The following PTPRF variants were observed in gnomAD, a reference collection of about 807,000 sequenced individuals.
PTPRF encodes protein tyrosine phosphatase receptor type F.
In PTPRF, 59 loss-of-function variants were observed where a neutral mutation model predicts 201.8. The observed-to-expected ratio is 0.29, with a 90% CI of 0.24 to 0.36. The LOEUF (loss-of-function observed/expected upper bound fraction) is 0.36, where lower values mean the gene tolerates loss of function less well. Among genes scored for constraint, PTPRF ranks in the 10% least tolerant of loss-of-function variants. The probability of loss-of-function intolerance (pLI) is 1.00; values close to 1 mark genes in which losing one functional copy is unlikely to be tolerated. For synonymous variants in PTPRF, 1,088 were observed against 1,089.7 expected, an observed-to-expected ratio of 1.00 and a Z score of 0.03; for missense variants, 2,132 against 2,690.5, an observed-to-expected ratio of 0.79 and a Z score of 4.59.
intron 1 of PTPRF, among the ~76,000 whole-genome samples, chr1:43,534,501 TGAAGGAGAGGAAGAG>T (rs1427533697): frequency 6.6e-6 from 1 of 151,394 alleles, no homozygotes; most frequent in Non-Finnish European, 1.5e-5. Context: ...GATGTGGGAG[TGAAGGAGAGGAAGAG>T]GAAGGAGTCC....
chr1:43,598,249 A>G lies in PTPRF; in HGVS notation c.2119+196A>G. 4 of 550,410 alleles carry G rather than the reference A, an allele frequency of 7.3e-6. No homozygotes were observed. The South Asian group carries it at 1.5e-4, about 20-fold the overall frequency. 34.1% of individuals were successfully genotyped at this position (550,410 alleles called of 1,614,324 possible). ...ATCCCAGCCTTTGGGGCTGTCTCCA[A>G]AGCAGCTGAAACCTTCACAGGCTAA... On this transcript the variant is annotated intron_variant, in intron 12 of 33. Transcript: ENST00000359947.
chr1:43,604,699 G>T (rs1260512053), intron 16 of PTPRF, among the ~76,000 whole-genome samples: 1 of 152,198 alleles, frequency 6.6e-6, no homozygotes, highest in East Asian at 1.9e-4. Context: ...CCTGTTTGGT[G>T]CTCACTGTGG....
At chr1:43,604,369 C>T (rs1451851521) in intron 16 of PTPRF, among the ~76,000 whole-genome samples, 180 bp downstream of exon 16, 2 of 152,190 alleles carry the variant, frequency 1.3e-5, no homozygotes, top group Non-Finnish European at 2.9e-5. Context: ...TGATGCCTGA[C>T]CTCTGCTGTC....
chr1:43,572,123 C>T (rs1215465737), intron 6 of PTPRF, among the ~76,000 whole-genome samples: 1 of 152,248 alleles, frequency 6.6e-6, no homozygotes, highest in Admixed American at 6.5e-5. Context: ...CCACCCTGCT[C>T]AGCCTCTGGC....
chr1:43,598,904 C>T lies in PTPRF; in HGVS notation c.2304C>T (p.Ala768=), dbSNP rs533116755. 1.2e-5 allele frequency: 20 copies of T among 1,613,272 alleles called. No homozygotes were observed. The highest frequency in any genetic ancestry group is 1.5e-5 in the Non-Finnish European group (18 of 1,179,688). ...CCATCATCCAAGACGTCATGCTAGCCGAGGCCCAGGTGCAGCATTGGGTGG... is the reference window on the plus strand; with the variant it reads ...CCATCATCCAAGACGTCATGCTAGCTGAGGCCCAGGTGCAGCATTGGGTGG... ...GLPIIQDVML[A]EAQWRPEESE... The change falls in exon 13 of 34, where the codon GCC becomes GCT. Residue 768 remains alanine (A), a synonymous_variant. Transcript: ENST00000359947.
chr1:43,559,893 C>CTG (rs61725582), intron 5 of PTPRF, among the ~76,000 whole-genome samples: 5,023 of 144,060 alleles, frequency 0.035, 291 homozygotes, highest in African/African-American at 0.12. Context: ...ATGTATCAGG[C>CTG]TGTGTGTGTG....
intron 5 of PTPRF, among the ~76,000 whole-genome samples, chr1:43,565,154 C>T (rs1319204661): frequency 1.3e-5 from 2 of 152,186 alleles, no homozygotes; most frequent in Non-Finnish European, 2.9e-5. Flanking sequence ...GAATCTCCCT[C>T]CTCCAGGAAG....
chr1:43,585,712 T>A (rs1419308563), intron 7 of PTPRF, among the ~76,000 whole-genome samples: 1 of 152,182 alleles, frequency 6.6e-6, no homozygotes. Flanking sequence ...ATCCATGAAG[T>A]CCGCCTTTTG....
In PTPRF at chr1:43,588,608, C is replaced by T. The variant is rs1649790788; in HGVS notation, c.680-123C>T. The T allele has an allele frequency of 1.2e-5, 16 of 1,322,526 alleles. No homozygotes were observed. In the South Asian group the frequency reaches 1.9e-4, roughly 16 times the overall value. The allele number at this position is 1,322,526 out of a possible 1,614,324, so 81.9% of individuals were successfully genotyped here. On this transcript the variant is annotated intron_variant, in intron 7 of 33. Coordinates refer to ENST00000359947, the MANE Select transcript of PTPRF (RefSeq NM_002840.5). This position sits in a 1 kb window ranked among gnomAD's most constrained non-coding sequence, Gnocchi z 5.3. The stretch of plus-strand genomic sequence containing the variant: ...GAGCTGGGGTCTGGCGGTGCCACCC[C>T]TCCTGTCTCTGAGCATGGGTTTGGC...
At chr1:43,582,077 G>C (rs138508641) in intron 7 of PTPRF, among the ~76,000 whole-genome samples, 7 of 152,300 alleles carry the variant, frequency 4.6e-5, no homozygotes, top group Admixed American at 2.0e-4. Context: ...TGGCCGCAAG[G>C]CTTCGTCTCC....
chr1:43,606,887 C>G lies in PTPRF; in HGVS notation c.3776C>G (p.Pro1259Arg). Residue 1259 changes from proline (P) to arginine (R), a missense_variant, in exon 21 of 34, where the codon CCG (proline) becomes CGG (arginine). This residue lies in a region of PTPRF where 818 missense variants were observed against 915.3 expected (regional missense o/e 0.89). Transcript: ENST00000359947. ...ACACCAGCCCAGCAGCAGGAGGAGC[C>G]GGAGATGCTGTGGGTGACGGGTCCC... ...QVTPAQQQEE[P>R]EMLWVTGPVL... 2 of 1,614,164 alleles carry G rather than the reference C, an allele frequency of 1.2e-6. No individual in the cohort carries two copies. The highest frequency in any genetic ancestry group is 1.1e-5 in the South Asian group (1 of 91,082).
At chr1:43,597,673 C>A in intron 11 of PTPRF, 75 bp from the exon 12 acceptor site, 1 of 1,081,218 alleles carries the variant, frequency 9.2e-7, no homozygotes. Flanking sequence ...AGTCTCCAGT[C>A]CACTGTGACT....
intron 2 of PTPRF, among the ~76,000 whole-genome samples, chr1:43,538,755 G>A (rs1644182567): frequency 6.6e-6 from 1 of 152,200 alleles, no homozygotes; most frequent in South Asian, 2.1e-4. Flanking sequence ...GGTTGTCGTA[G>A]AAAGAGCTTG....
intron 9 of PTPRF, 45 bp from the exon 10 acceptor site, chr1:43,591,767 A>G: frequency 6.2e-7 from 1 of 1,608,018 alleles, no homozygotes; most frequent in Non-Finnish European, 8.5e-7. Flanking sequence ...GGCACCCCTG[A>G]CCTCACGCAG....
rs1659392584 is a variant in PTPRF at position 43,622,318 on chromosome 1, A to G, written c.*315A>G. 1 of 386,994 alleles carries G rather than the reference A, an allele frequency of 2.6e-6. No homozygotes were observed. Among genetic ancestry groups the G allele is most frequent in the African/African-American group, 2.0e-5 (1 of 49,144 alleles). 24.0% of individuals were successfully genotyped at this position (386,994 alleles called of 1,614,324 possible). ...TCTTCTCATGGGGTGGGGTTGGGGC[A>G]AAGCCTCCTTTTTAATACATTAAGT... On this transcript the variant is annotated 3_prime_UTR_variant, in exon 34 of 34. Transcript: ENST00000359947.
Position 43,618,767 on chromosome 1 carries a change from T to G in PTPRF, c.4491+18T>G, listed in dbSNP as rs180734481. ...TCCACAAGGTATAGCCTTTCCCCAG[T>G]GCATATCTCTTACCCAGACACTGTA... On this transcript the variant is annotated intron_variant, in intron 26 of 33. Coordinates refer to ENST00000359947, the MANE Select transcript of PTPRF (RefSeq NM_002840.5). 6.3e-7 allele frequency: 1 copy of G among 1,589,404 alleles called. No individual in the cohort carries two copies. The highest frequency in any genetic ancestry group is 8.6e-7 in the Non-Finnish European group (1 of 1,160,118).
At chr1:43,545,316 T>C (rs1351012011) in intron 3 of PTPRF, 150 bp downstream of exon 3, 51 of 783,288 alleles carry the variant, frequency 6.5e-5, no homozygotes, top group Non-Finnish European at 9.8e-5. Context: ...CCCCCACTGC[T>C]TGGAGAGCCT....
rs763465884 is a variant in PTPRF, at chr1:43,598,905, G to A, written c.2305G>A (p.Glu769Lys). 18 of 1,613,204 alleles carry A rather than the reference G, an allele frequency of 1.1e-5. No homozygotes were observed. The highest frequency in any genetic ancestry group is 6.7e-5 in the East Asian group (3 of 44,886). Residue 769 changes from glutamate to lysine, a missense_variant, in exon 13 of 34, where the codon GAG (glutamate) becomes AAG (lysine). Transcript: ENST00000359947. The stretch of plus-strand genomic sequence containing the variant: ...CATCATCCAAGACGTCATGCTAGCC[G>A]AGGCCCAGGTGCAGCATTGGGTGGT... ...LPIIQDVMLA[E>K]AQWRPEESED... is the part of the protein sequence containing the mutation.
At position 43,560,250 on chromosome 1, in the gene PTPRF, AGTGT is replaced by A. The variant is rs571191906; in HGVS notation, c.379+6320_379+6323del. Among the ~76,000 whole-genome samples the A allele has an allele frequency of 9.7e-3, 1,424 of 147,012 alleles. 21 individuals are homozygous for A. Among genetic ancestry groups the A allele is most frequent in the African/African-American group, 0.033 (1,311 of 39,528 alleles). On this transcript the variant is annotated intron_variant, in intron 5 of 33. Transcript: ENST00000359947. Reference sequence around the variant, plus strand: ...CAGGCCGTGTGTGTGTGCAGCAGGCAGTGTGTGTGTGTGTACATGCGCACACGCA... The same window carrying A: ...CAGGCCGTGTGTGTGTGCAGCAGGCAGTGTGTGTGTACATGCGCACACGCA...
Sources: gnomAD v4.1 joint callset for allele counts (sites outside exome capture counted in the v4.1 genomes callset) on GRCh38, gnomAD v4.1.1 for gene constraint, gnomAD v4.1.1 regional missense constraint, Gnocchi (gnomAD v3.1) non-coding constraint, MANE v1.5 for transcripts, NCBI Gene and HGNC (gene_info 2026-07-23, HGNC 2026-07-21) for gene names.